The following PPFIBP2 variants were observed in gnomAD, a reference collection of about 807,000 sequenced individuals.
The protein encoded by PPFIBP2 is PPFIB scaffold protein 2.
In PPFIBP2, 118 loss-of-function variants were observed where a neutral mutation model predicts 118.3. The observed-to-expected ratio is 1.00, with a 90% CI of 0.86 to 1.16. The LOEUF is 1.16. Among genes scored for constraint, PPFIBP2 ranks in the 50% most tolerant of loss-of-function variants. The probability of loss-of-function intolerance (pLI) is 0.00; values close to 1 mark genes in which losing one functional copy is unlikely to be tolerated. For missense variants in PPFIBP2, 1,195 were observed against 1,073.1 expected, an observed-to-expected ratio of 1.11 and a Z score of -1.59; for synonymous variants, 414 against 397.4, an observed-to-expected ratio of 1.04 and a Z score of -0.50.
intron 5 of PPFIBP2, 45 bp downstream of exon 5, chr11:7,597,718 A>G (rs1055812029): frequency 2.0e-6 from 3 of 1,488,588 alleles, no homozygotes; most frequent in South Asian, 1.1e-5. Flanking sequence ...GAAGCAGCTC[A>G]TGTGCTGAAG....
At chr11:7,565,911 T>C in intron 3 of PPFIBP2, 144 bp downstream of exon 3, 1 of 862,946 alleles carries the variant, frequency 1.2e-6, no homozygotes, top group Non-Finnish European at 1.8e-6. Context: ...CGCTGCAGGG[T>C]GGCCCTTCTT....
At chr11:7,605,117 G>GTGCACCT (rs1847177967) in intron 5 of PPFIBP2, among the ~76,000 whole-genome samples, 1 of 152,212 alleles carries the variant, frequency 6.6e-6, no homozygotes, top group African/African-American at 2.4e-5. Context: ...TTCTGAACTA[G>GTGCACCT]GGAACAGTTT....
intron 3 of PPFIBP2, among the ~76,000 whole-genome samples, chr11:7,586,619 A>C (rs1176423103): frequency 6.6e-6 from 1 of 152,214 alleles, no homozygotes; most frequent in African/African-American, 2.4e-5. Context: ...GCCTGAGATG[A>C]GGTAACCTAC....
At chr11:7,564,482 T>C (rs11041458) in intron 2 of PPFIBP2, among the ~76,000 whole-genome samples, 29,529 of 152,148 alleles carry the variant, frequency 0.19, 2,902 homozygotes, top group African/African-American at 0.2. Context: ...ATAAAGATCT[T>C]CTAACTGGGA....
At chr11:7,617,452 T>C (rs139383445) in intron 6 of PPFIBP2, among the ~76,000 whole-genome samples, 1 of 152,202 alleles carries the variant, frequency 6.6e-6, no homozygotes, top group African/African-American at 2.4e-5. Context: ...CCTCTTGGGA[T>C]GTGAGGTGAG....
Position 7,591,875 on chromosome 11 carries a change from A to C in PPFIBP2, c.280-1257A>C, listed in dbSNP as rs540837415. ...TGGGCATGGCTCTGTTGCCTCCCTC[A>C]CCTATGCAGTGCATTGGGAAGGGGT... On this transcript the variant is annotated intron_variant, in intron 3 of 23. Coordinates refer to ENST00000299492, the MANE Select transcript of PPFIBP2 (RefSeq NM_003621.5). Among the ~76,000 whole-genome samples, 12 of 152,168 alleles carry C rather than the reference A, an allele frequency of 7.9e-5. No homozygotes were observed. In the East Asian group the frequency reaches 1.2e-3, roughly 15 times the overall value.
At chr11:7,518,456 T>G (rs1849435235) in intron 1 of PPFIBP2, among the ~76,000 whole-genome samples, 1 of 152,028 alleles carries the variant, frequency 6.6e-6, no homozygotes, top group African/African-American at 2.4e-5. Flanking sequence ...TCGTGTGGTC[T>G]CGATGGCAGC....
intron 14 of PPFIBP2, among the ~76,000 whole-genome samples, chr11:7,636,632 A>C (rs184172396): frequency 6.6e-6 from 1 of 152,150 alleles, no homozygotes; most frequent in East Asian, 1.9e-4. Context: ...CACACCTGTA[A>C]GTGACCACCT....
intron 12 of PPFIBP2, among the ~76,000 whole-genome samples, chr11:7,634,219 T>C (rs1409309407): frequency 6.6e-6 from 1 of 152,222 alleles, no homozygotes; most frequent in Non-Finnish European, 1.5e-5. Context: ...TGCAGCAGAA[T>C]TGAGTGTATT....
At chr11:7,543,112 C>G (rs1048201909) in intron 1 of PPFIBP2, among the ~76,000 whole-genome samples, 1 of 152,236 alleles carries the variant, frequency 6.6e-6, no homozygotes, top group African/African-American at 2.4e-5. Flanking sequence ...GCGCTGCCAT[C>G]AAATTCCTTC....
intron 5 of PPFIBP2, chr11:7,606,157 G>T (rs1565044385): frequency 3.0e-6 from 3 of 1,005,342 alleles, no homozygotes; most frequent in East Asian, 2.9e-5. Context: ...CAAAATACTG[G>T]CTTGGAAGCA....
At chr11:7,643,100 T>C (rs1565113680) in intron 17 of PPFIBP2, among the ~76,000 whole-genome samples, 1 of 152,188 alleles carries the variant, frequency 6.6e-6, no homozygotes, top group Non-Finnish European at 1.5e-5. Flanking sequence ...TCTAAGGACA[T>C]AGTCTAAGTA....
intron 1 of PPFIBP2, among the ~76,000 whole-genome samples, chr11:7,537,996 A>C (rs1158182320): frequency 6.6e-6 from 1 of 152,226 alleles, no homozygotes; most frequent in African/African-American, 2.4e-5. Context: ...AGAGGGGAAC[A>C]AAGGCAGAAT....
At position 7,540,074 on chromosome 11, in the gene PPFIBP2, C is replaced by A. The variant is rs369706356; in HGVS notation, c.-36-9366C>A. Among the ~76,000 whole-genome samples the A allele has an allele frequency of 1.0e-3, 154 of 152,318 alleles. 4 individuals are homozygous for A. The South Asian group carries it at 0.031, about 31-fold the overall frequency. The stretch of plus-strand genomic sequence containing the variant: ...TTGGATCTACATGCAGGTCTGACTA[C>A]AGAACCCACTCTCCTAACTGCTCTG... On this transcript the variant is annotated intron_variant, in intron 1 of 23. Transcript: ENST00000299492.
chr11:7,663,453 G>A, the PPFIBP2 span, among the ~76,000 whole-genome samples: 539 of 152,226 alleles, frequency 3.5e-3, 3 homozygotes, highest in African/African-American at 0.012. Flanking sequence ...TCCCAGTTAG[G>A]CTGCTCAGGG....
intron 4 of PPFIBP2, among the ~76,000 whole-genome samples, chr11:7,593,873 G>GCC (rs1397980589): frequency 6.6e-6 from 1 of 152,216 alleles, no homozygotes; most frequent in Non-Finnish European, 1.5e-5. Flanking sequence ...GAAGAAGCAG[G>GCC]CCCAGCACTT....
At chr11:7,651,600 C>T in intron 22 of PPFIBP2, 56 bp from the exon 23 acceptor site, 3 of 1,503,756 alleles carry the variant, frequency 2.0e-6, no homozygotes, top group South Asian at 2.5e-5. Flanking sequence ...CAGCATCCTC[C>T]CCCTCGAGCC....
At chr11:7,617,781 A>G (rs543877096) in intron 6 of PPFIBP2, among the ~76,000 whole-genome samples, 4 of 152,318 alleles carry the variant, frequency 2.6e-5, no homozygotes, top group African/African-American at 7.2e-5. Context: ...ACAAGTTTTC[A>G]TATGCTGTGA....
At chr11:7,522,512 G>T (rs1312535525) in intron 1 of PPFIBP2, among the ~76,000 whole-genome samples, 1 of 152,188 alleles carries the variant, frequency 6.6e-6, no homozygotes. Context: ...TAGAACCCAG[G>T]TCTACTGGCA....
Sources: allele counts gnomAD v4.1 joint callset (sites outside exome capture counted in the v4.1 genomes callset), GRCh38; gene constraint gnomAD v4.1.1; transcripts MANE v1.5; gene names NCBI Gene and HGNC (gene_info 2026-07-23, HGNC 2026-07-21).